The following TAB1 variants were observed in gnomAD, a reference collection of about 807,000 sequenced individuals.
The protein encoded by TAB1 is TGF-beta-activated kinase 1 and MAP3K7-binding protein 1.
Under a neutral mutation model 54.5 loss-of-function variants are expected in TAB1, and 30 were observed. The ratio of observed to expected loss-of-function variants is 0.55; its 90% CI spans 0.41 to 0.75. The LOEUF is 0.75. Among genes scored for constraint, TAB1 ranks in the 30% least tolerant of loss-of-function variants. The pLI is 0.00. For missense variants in TAB1, 609 were observed against 683.2 expected (o/e 0.89, Z 1.21); for synonymous variants, 289 against 286.9 (o/e 1.01, Z -0.07).
At chr22:39,433,455 GAAAA>G, downstream of TAB1, 1 of 876,780 alleles carries the variant, frequency 1.1e-6, no homozygotes, top group Non-Finnish European at 1.4e-6. Context: ...CCTGTCTCAA[GAAAA>G]AAAAAAAAGA....
chr22:39,411,465 G>T (rs1234067170), intron 1 of TAB1, among the ~76,000 whole-genome samples: 5 of 152,182 alleles, frequency 3.3e-5, no homozygotes, highest in Non-Finnish European at 7.3e-5. Context: ...GGATGAGTTG[G>T]TGCCAAATAA....
chr22:39,429,039 T>C, intron 10 of TAB1: 1 of 985,206 alleles, frequency 1.0e-6, no homozygotes, highest in Non-Finnish European at 1.2e-6. Context: ...CCTCCAGCTG[T>C]GTCCACAAAG....
At chr22:39,413,526 C>T (rs926488904) in intron 1 of TAB1, among the ~76,000 whole-genome samples, 1 of 152,038 alleles carries the variant, frequency 6.6e-6, no homozygotes, top group Non-Finnish European at 1.5e-5. Context: ...AAGCGATTCT[C>T]CTGCCTCAGC....
intron 1 of TAB1, among the ~76,000 whole-genome samples, chr22:39,408,457 T>C (rs1926466838): frequency 6.6e-6 from 1 of 152,228 alleles, no homozygotes; most frequent in Non-Finnish European, 1.5e-5. Context: ...TGAGCTTGTT[T>C]CTTTCTTTAC....
At chr22:39,419,274 G>A (rs970556896) in intron 6 of TAB1, among the ~76,000 whole-genome samples, 2 of 152,204 alleles carry the variant, frequency 1.3e-5, no homozygotes, top group Admixed American at 1.3e-4. Flanking sequence ...GAGACGGCAG[G>A]CAAGCTGCTC....
chr22:39,415,500 G>A lies in TAB1; in HGVS notation c.171G>A (p.Arg57=). 1 of 1,613,426 alleles carries A rather than the reference G, an allele frequency of 6.2e-7. No homozygotes were observed. Among genetic ancestry groups the A allele is most frequent in the South Asian group, 1.1e-5 (1 of 91,056 alleles). Residue 57 remains arginine, a splice_region_variant and synonymous_variant, in exon 3 of 11, where the codon AGG becomes AGA. Coordinates refer to ENST00000216160, the MANE Select transcript of TAB1 (RefSeq NM_006116.3). This position sits in a 1 kb window ranked among gnomAD's most constrained non-coding sequence, Gnocchi z 4.9. ...HPPEDSWLKF[R]SENNCFLYGV... is the part of the protein sequence containing the mutation. ...TCCCTCTGCCCTCTCCCTCTTCCAGGAGTGAGAACAACTGCTTCCTGTATG... is the reference window on the plus strand; with the variant it reads ...TCCCTCTGCCCTCTCCCTCTTCCAGAAGTGAGAACAACTGCTTCCTGTATG...
Position 39,430,377 on chromosome 22 carries a change from G to T in TAB1, c.*155G>T. ...CATGGCTCTCCGGGCAGTAGAGTGT[G>T]TGAGTGCAGACTGGACCTGTGGTTC... On this transcript the variant is annotated 3_prime_UTR_variant, in exon 11 of 11. Coordinates refer to ENST00000216160, the MANE Select transcript of TAB1 (RefSeq NM_006116.3). 6.1e-6 allele frequency: 9 copies of T among 1,471,048 alleles called. No individual in the cohort carries two copies. The highest frequency in any genetic ancestry group is 7.2e-6 in the Non-Finnish European group (8 of 1,111,070). The allele number at this position is 1,471,048 out of a possible 1,614,324, so 91.1% of individuals were successfully genotyped here.
intron 7 of TAB1, 43 bp downstream of exon 7, chr22:39,419,673 A>C (rs1926986717): frequency 6.9e-7 from 1 of 1,456,200 alleles, no homozygotes; most frequent in African/African-American, 1.4e-5. Context: ...AAAGAACAGA[A>C]GGTCCTAGGG....
intron 3 of TAB1, 159 bp from the exon 4 acceptor site, chr22:39,416,632 A>G: frequency 1.4e-6 from 1 of 698,748 alleles, no homozygotes. Context: ...GGTGCCTTGC[A>G]GTGCTGGGCC....
intron 10 of TAB1, among the ~76,000 whole-genome samples, chr22:39,428,780 C>T (rs1206405250): frequency 6.6e-6 from 1 of 152,230 alleles, no homozygotes; most frequent in Non-Finnish European, 1.5e-5. Context: ...ATAGAGATGC[C>T]ACACCCAGCC....
At position 39,426,714 on chromosome 22, in the gene TAB1, G is replaced by T. The variant is rs565744243; in HGVS notation, c.933G>T (p.Ala311=). 44 of 1,600,910 alleles carry T rather than the reference G, an allele frequency of 2.7e-5. 1 individual carries two copies. In the South Asian group the frequency reaches 4.9e-4, roughly 18 times the overall value. ...GPGQANQEIA[A]MIDTEFAKQT... is the part of the protein sequence containing the mutation. ...ACCCCCTCCCCCAGGAGATTGCTGCGATGATTGACACTGAGTTTGCCAAGC... is the reference window on the plus strand; with the variant it reads ...ACCCCCTCCCCCAGGAGATTGCTGCTATGATTGACACTGAGTTTGCCAAGC... Residue 311 remains alanine, a synonymous_variant, in exon 9 of 11, where the codon GCG becomes GCT. Coordinates refer to ENST00000216160, the MANE Select transcript of TAB1 (RefSeq NM_006116.3).
At chr22:39,422,211 G>A (rs779819864) in intron 8 of TAB1, among the ~76,000 whole-genome samples, 1 of 152,122 alleles carries the variant, frequency 6.6e-6, no homozygotes, top group Admixed American at 6.6e-5. Flanking sequence ...GAAGGGAAGA[G>A]GGGGAGATGG....
chr22:39,428,125 A>G lies in TAB1; in HGVS notation c.1249A>G (p.Met417Val), dbSNP rs1927428985. 1 of 1,613,626 alleles carries G rather than the reference A, an allele frequency of 6.2e-7. No individual in the cohort carries two copies. Among genetic ancestry groups the G allele is most frequent in the Non-Finnish European group, 8.5e-7 (1 of 1,179,734 alleles). Residue 417 changes from methionine to valine, a missense_variant, in exon 10 of 11, where the codon ATG becomes GTG. By Grantham distance (21) the Met-to-Val change is conservative. Transcript: ENST00000216160. ...CCTTGTCATGCCCTCCCAGGGCCAG[A>G]TGGTCAACGGGGCTCACAGTGCTTC... The part of the protein sequence containing the change: ...LSLVMPSQGQ[M>V]VNGAHSASTL...
chr22:39,406,328 G>A (rs1926361498), intron 1 of TAB1, among the ~76,000 whole-genome samples: 1 of 151,596 alleles, frequency 6.6e-6, no homozygotes, highest in Non-Finnish European at 1.5e-5. Context: ...AACCTGGAGG[G>A]GCAGAGCTTG....
chr22:39,423,180 G>A (rs888538032), intron 8 of TAB1, among the ~76,000 whole-genome samples: 1 of 152,036 alleles, frequency 6.6e-6, no homozygotes, highest in Admixed American at 6.5e-5. Context: ...GGTAGAGACA[G>A]GGTCTCACTG....
intron 10 of TAB1, chr22:39,429,439 C>T (rs1927491338): frequency 2.3e-6 from 2 of 851,280 alleles, no homozygotes; most frequent in East Asian, 2.5e-4. Context: ...GCGTCTCTAG[C>T]CACTTGTGGC....
At chr22:39,412,236 C>T (rs978013938) in intron 1 of TAB1, among the ~76,000 whole-genome samples, 5 of 152,132 alleles carry the variant, frequency 3.3e-5, no homozygotes, top group Non-Finnish European at 5.9e-5. Flanking sequence ...GACAGGGTTT[C>T]GCCACATTGG....
At chr22:39,407,183 A>G (rs1438599448) in intron 1 of TAB1, among the ~76,000 whole-genome samples, 2 of 152,182 alleles carry the variant, frequency 1.3e-5, no homozygotes, top group East Asian at 3.8e-4. Context: ...GGACTTTGTT[A>G]TTTTACATTA....
chr22:39,403,061 C>G (rs1173291562), intron 1 of TAB1, among the ~76,000 whole-genome samples: 5 of 152,234 alleles, frequency 3.3e-5, no homozygotes, highest in Non-Finnish European at 2.9e-5. Flanking sequence ...TGCCCGCTAA[C>G]CAGAAACTTC....
Sources: allele counts gnomAD v4.1 joint callset (sites outside exome capture counted in the v4.1 genomes callset), GRCh38; gene constraint gnomAD v4.1.1; non-coding constraint Gnocchi (gnomAD v3.1); transcripts MANE v1.5; gene names NCBI Gene and HGNC (gene_info 2026-07-23, HGNC 2026-07-21).